SPECC1: variants seen among roughly 807,000 people sequenced by gnomAD.
The protein encoded by SPECC1 is cytospin-B.
In SPECC1, 62 loss-of-function variants were observed where a neutral mutation model predicts 104.1. That is an observed-to-expected ratio of 0.60 (90% CI 0.49 to 0.74). The LOEUF is 0.74. Ranked by LOEUF, SPECC1 falls within the 30% of genes least tolerant of loss-of-function variation. SPECC1 has a pLI of 0.00. For synonymous variants in SPECC1, 513 were observed against 501.6 expected, an observed-to-expected ratio of 1.02 and a Z score of -0.30; for missense variants, 1,306 against 1,310.5, an observed-to-expected ratio of 1.00 and a Z score of 0.05.
Position 20,152,238 on chromosome 17 carries a change from T to G in SPECC1, c.283+41676T>G, listed in dbSNP as rs546608319. 2.6e-5 allele frequency among the ~76,000 whole-genome samples: 4 copies of G among 152,282 alleles called. No homozygotes were observed. The East Asian group carries it at 7.7e-4, about 29-fold the overall frequency. On this transcript the variant is annotated intron_variant, in intron 3 of 14. Transcript: ENST00000395527. ...TCACTTAAACCCAGGAGGCGGAGAT[T>G]GCAGTGAGCTGAGATCACGCTATTG...
intron 7 of SPECC1, chr17:20,237,516 T>C (rs1288184984): frequency 1.5e-5 from 3 of 194,658 alleles, no homozygotes; most frequent in Non-Finnish European, 3.2e-5. Flanking sequence ...GGTTTCACCG[T>C]GTTGGCCAGG....
intron 12 of SPECC1, among the ~76,000 whole-genome samples, chr17:20,277,269 C>T (rs2040604595): frequency 6.6e-6 from 1 of 152,170 alleles, no homozygotes; most frequent in Non-Finnish European, 1.5e-5. Context: ...GAAACAACCA[C>T]ATGACCAAGC....
chr17:20,279,867 G>T (rs545129893), intron 12 of SPECC1, among the ~76,000 whole-genome samples: 2 of 152,286 alleles, frequency 1.3e-5, no homozygotes, highest in Admixed American at 1.3e-4. Context: ...GGAGAAGGTG[G>T]ACAGATGGAT....
intron 14 of SPECC1, among the ~76,000 whole-genome samples, chr17:20,306,550 C>T (rs1000249787): frequency 1.3e-5 from 2 of 152,244 alleles, no homozygotes; most frequent in African/African-American, 4.8e-5. Flanking sequence ...CCAAGGCTCA[C>T]AACATGCTGA....
At chr17:20,079,113 A>G (rs1267811597) in intron 1 of SPECC1, among the ~76,000 whole-genome samples, 1 of 152,166 alleles carries the variant, frequency 6.6e-6, no homozygotes, top group Non-Finnish European at 1.5e-5. Flanking sequence ...TAGAAAAGGA[A>G]GCAACCCAAG....
intron 3 of SPECC1, among the ~76,000 whole-genome samples, chr17:20,166,210 A>G (rs1239147512): frequency 2.0e-5 from 3 of 152,244 alleles, no homozygotes; most frequent in Admixed American, 6.5e-5. Context: ...CTAAATAGCA[A>G]AACACTGGAA....
chr17:20,077,236 T>C (rs2046794898), intron 1 of SPECC1, among the ~76,000 whole-genome samples: 1 of 152,226 alleles, frequency 6.6e-6, no homozygotes, highest in Non-Finnish European at 1.5e-5. Flanking sequence ...TTTTCTTTCA[T>C]GGATGATGTG....
rs763680846 is a variant in SPECC1, at chr17:20,247,330, C to T, written c.2598+11C>T. 2 of 1,597,366 alleles carry T rather than the reference C, an allele frequency of 1.3e-6. No homozygotes were observed. Among genetic ancestry groups the T allele is most frequent in the South Asian group, 1.1e-5 (1 of 90,026 alleles). On this transcript the variant is annotated intron_variant, in intron 9 of 14. Transcript: ENST00000395527. ...GTCTCTCCAATGCAGGTAGATGAGC[C>T]CCAGAAATAACCACTGCTTATGGTT...
chr17:20,153,116 C>T lies in SPECC1; in HGVS notation c.283+42554C>T, dbSNP rs1006344528. ...CAACATGAATTTAGGAAGGACACAA[C>T]TCAGTTCACAGCAGATGAATAAGCA... On this transcript the variant is annotated intron_variant, in intron 3 of 14. Transcript: ENST00000395527. Among the ~76,000 whole-genome samples, 4 of 152,336 alleles carry T rather than the reference C, an allele frequency of 2.6e-5. No homozygotes were observed. The East Asian group carries it at 5.8e-4, about 22-fold the overall frequency.
chr17:20,243,409 TC>T (rs775240820), intron 7 of SPECC1, among the ~76,000 whole-genome samples: 10 of 152,228 alleles, frequency 6.6e-5, no homozygotes, highest in Non-Finnish European at 1.5e-4. Context: ...TACTAATTGA[TC>T]CCAGCCAATT....
intron 4 of SPECC1, among the ~76,000 whole-genome samples, chr17:20,227,195 A>G (rs1010020582): frequency 6.6e-6 from 1 of 152,166 alleles, no homozygotes; most frequent in African/African-American, 2.4e-5. Context: ...AATGCAAGAA[A>G]CAGCACATGC....
At position 20,096,655 on chromosome 17, in the gene SPECC1, C is replaced by A; in HGVS notation, c.4C>A (p.Arg2=). ...GGACAGACCCACGAAGTCAAGCATGCGGAGTGCAGCCAAGCCCTGGAACCC... is the reference window on the plus strand; with the variant it reads ...GGACAGACCCACGAAGTCAAGCATGAGGAGTGCAGCCAAGCCCTGGAACCC... The part of the protein sequence containing the change: M[R]SAAKPWNPAI... Residue 2 remains arginine, a synonymous_variant, in exon 2 of 15, where the codon CGG becomes AGG. Coordinates refer to ENST00000395527, the MANE Select transcript of SPECC1 (RefSeq NM_001243439.2). 6.2e-7 allele frequency: 1 copy of A among 1,611,662 alleles called. No individual in the cohort carries two copies. The highest frequency in any genetic ancestry group is 8.5e-7 in the Non-Finnish European group (1 of 1,178,460).
At chr17:20,203,279 T>TAAAA (rs34012069) in intron 3 of SPECC1, among the ~76,000 whole-genome samples, 1 of 138,484 alleles carries the variant, frequency 7.2e-6, no homozygotes, top group Non-Finnish European at 1.6e-5. Context: ...TTTCAGTTTG[T>TAAAA]AAAAAAAAAA....
chr17:20,258,526 T>A (rs2039914050), intron 11 of SPECC1, among the ~76,000 whole-genome samples: 1 of 152,176 alleles, frequency 6.6e-6, no homozygotes, highest in Non-Finnish European at 1.5e-5. Flanking sequence ...CTTGCAGAAA[T>A]CTCACATGAC....
intron 2 of SPECC1, among the ~76,000 whole-genome samples, chr17:20,100,206 C>T (rs1399823476): frequency 6.6e-6 from 1 of 152,120 alleles, no homozygotes; most frequent in Admixed American, 6.6e-5. Flanking sequence ...TGATTCTGTG[C>T]AGGAAAATGA....
chr17:20,080,879 A>T (rs572112091), intron 1 of SPECC1, among the ~76,000 whole-genome samples: 1 of 151,360 alleles, frequency 6.6e-6, no homozygotes, highest in Non-Finnish European at 1.5e-5. Context: ...GGATCAGTGC[A>T]GGGGGGGGTG....
Position 20,051,011 on chromosome 17 carries a change from A to G in SPECC1, c.-22+41587A>G, listed in dbSNP as rs182012053. ...GCTTTACTGAAAATAGCGTGCATGGAAAAACATAGCATAGTAGGTCCCAAA... is the reference window on the plus strand; with the variant it reads ...GCTTTACTGAAAATAGCGTGCATGGGAAAACATAGCATAGTAGGTCCCAAA... On this transcript the variant is annotated intron_variant, in intron 1 of 14. Transcript: ENST00000395527. 3.8e-3 allele frequency among the ~76,000 whole-genome samples: 573 copies of G among 152,304 alleles called. 2 individuals carry two copies. The highest frequency in any genetic ancestry group is 0.012 in the African/African-American group (515 of 41,558).
chr17:20,199,318 C>A (rs1186551146), intron 3 of SPECC1, among the ~76,000 whole-genome samples: 1 of 150,576 alleles, frequency 6.6e-6, no homozygotes, highest in African/African-American at 2.4e-5. Context: ...AACTCCTGAC[C>A]TCAGGTGATC....
rs2049108367 is a variant in SPECC1, at chr17:20,122,923, AATAATG to A, written c.283+12362_283+12367del. ...CTATTTCTACCTTTTGGCTATTGTG[AATAATG>A]CTGCTCTGTACACAGGTGTACAGAT... On this transcript the variant is annotated intron_variant, in intron 3 of 14. Transcript: ENST00000395527. Among the ~76,000 whole-genome samples the A allele has an allele frequency of 2.0e-5, 3 of 152,304 alleles. No individual in the cohort carries two copies. The East Asian group carries it at 5.8e-4, about 29-fold the overall frequency.
Sources: gnomAD v4.1 joint callset for allele counts (sites outside exome capture counted in the v4.1 genomes callset) on GRCh38, gnomAD v4.1.1 for gene constraint, MANE v1.5 for transcripts, NCBI Gene and HGNC (gene_info 2026-07-23, HGNC 2026-07-21) for gene names.